SAG: variants seen among roughly 807,000 people sequenced by gnomAD.
SAG encodes the protein S-antigen visual arrestin, also known as S-arrestin.
A neutral mutation model predicts 55.0 loss-of-function variants in SAG; 45 were observed. The ratio of observed to expected loss-of-function variants is 0.82; its 90% CI spans 0.64 to 1.05. The LOEUF (loss-of-function observed/expected upper bound fraction) is 1.05, where lower values mean the gene tolerates loss of function less well. Among genes scored for constraint, SAG ranks in the 50% least tolerant of loss-of-function variants. SAG has a pLI of 0.00. For missense variants in SAG, 455 were observed against 512.1 expected, an observed-to-expected ratio of 0.89 and a Z score of 1.08; for synonymous variants, 189 against 197.4, an observed-to-expected ratio of 0.96 and a Z score of 0.36.
At chr2:233,329,780 G>A (rs916967244) in intron 9 of SAG, among the ~76,000 whole-genome samples, 3 of 152,202 alleles carry the variant, frequency 2.0e-5, no homozygotes, top group African/African-American at 7.2e-5. Context: ...ACTTACGGCT[G>A]GTTTTTGTCT....
At chr2:233,308,397 T>A (rs1472377344) in intron 1 of SAG, among the ~76,000 whole-genome samples, 1 of 151,598 alleles carries the variant, frequency 6.6e-6, no homozygotes, top group Non-Finnish European at 1.5e-5. Context: ...AGCCCAGGAG[T>A]TCGAGGCTGC....
At chr2:233,329,687 T>C (rs1700685740) in intron 9 of SAG, 110 bp downstream of exon 9, 2 of 720,294 alleles carry the variant, frequency 2.8e-6, no homozygotes, top group Non-Finnish European at 4.8e-6. Context: ...TCCTTGGAAC[T>C]GGCTACTTGT....
intron 10 of SAG, chr2:233,333,171 A>G (rs1471142954): frequency 6.6e-6 from 1 of 152,322 alleles, no homozygotes; most frequent in East Asian, 1.9e-4. Flanking sequence ...CTGTAGGTCT[A>G]CAAGGGAGGG....
chr2:233,316,105 A>C lies in SAG; in HGVS notation c.106A>C (p.Ile36Leu). Reference protein sequence around the residue: ...VTIYLGNRDYIDHVSQVQPVD... With the variant: ...VTIYLGNRDYLDHVSQVQPVD... The stretch of plus-strand genomic sequence containing the variant: ...CATCTACCTGGGGAACAGAGACTAC[A>C]TAGACCATGTCAGCCAAGTCCAGCC... The change falls in exon 3 of 16, where the codon ATA (isoleucine) becomes CTA (leucine). Residue 36 changes from isoleucine (I) to leucine (L), a missense_variant. Transcript: ENST00000409110. 6.3e-7 allele frequency: 1 copy of C among 1,599,920 alleles called. No homozygotes were observed. The highest frequency in any genetic ancestry group is 8.5e-7 in the Non-Finnish European group (1 of 1,171,700).
At chr2:233,344,873 T>G (rs901812685) in intron 14 of SAG, 1 of 152,240 alleles carries the variant, frequency 6.6e-6, no homozygotes. Flanking sequence ...GTCAAGGGCA[T>G]CTTTACTGAA....
intron 9 of SAG, 115 bp downstream of exon 9, chr2:233,329,692 A>G (rs1219037015): frequency 5.7e-6 from 4 of 702,628 alleles, no homozygotes; most frequent in Non-Finnish European, 7.5e-6. Flanking sequence ...GGAACTGGCT[A>G]CTTGTCTCTG....
At chr2:233,318,855 G>A (rs771097049) in intron 4 of SAG, 60 bp downstream of exon 4, 44 of 1,476,248 alleles carry the variant, frequency 3.0e-5, no homozygotes, top group East Asian at 4.5e-5. Context: ...CTCTCTGGGC[G>A]GCTCTGGGAA....
chr2:233,325,144 C>T (rs1183714746), intron 6 of SAG, among the ~76,000 whole-genome samples: 2 of 149,540 alleles, frequency 1.3e-5, no homozygotes, highest in East Asian at 3.9e-4. Flanking sequence ...GCGGAGATTG[C>T]AGTGAGCCGA....
intron 8 of SAG, 31 bp from the exon 9 acceptor site, chr2:233,329,462 C>T (rs759252629): frequency 2.6e-5 from 36 of 1,398,864 alleles, no homozygotes; most frequent in Non-Finnish European, 1.9e-5. Context: ...CATCTGTTCT[C>T]TTCTTCTGAC....
intron 3 of SAG, among the ~76,000 whole-genome samples, chr2:233,317,797 A>ATG (rs1017842091): frequency 1.3e-5 from 2 of 150,602 alleles, no homozygotes; most frequent in Admixed American, 6.7e-5. Context: ...TTTTCTCTAT[A>ATG]TGTGTGTGTG....
In SAG at chr2:233,309,265, G is replaced by C; in HGVS notation, c.75+1G>C. 6.2e-7 allele frequency: 1 copy of C among 1,611,900 alleles called. No homozygotes were observed. Among genetic ancestry groups the C allele is most frequent in the Non-Finnish European group, 8.5e-7 (1 of 1,178,174 alleles). ...CAAGAAGATCTCCCGGGACAAATCGGTGAGTGGTGCACAAGTGAGTGATTT... is the reference window on the plus strand; with the variant it reads ...CAAGAAGATCTCCCGGGACAAATCGCTGAGTGGTGCACAAGTGAGTGATTT... On this transcript the variant is annotated splice_donor_variant, in intron 2 of 15. Coordinates refer to ENST00000409110, the MANE Select transcript of SAG (RefSeq NM_000541.5). LOFTEE classifies it high-confidence loss of function.
Position 233,335,096 on chromosome 2 carries a change from C to T in SAG, c.941C>T (p.Thr314Ile). Residue 314 changes from threonine to isoleucine, a missense_variant, in exon 11 of 16, where the codon ACC becomes ATC. Coordinates refer to ENST00000409110, the MANE Select transcript of SAG (RefSeq NM_000541.5). ...KHEDTNLASS[T>I]IIKEGIDRTV... ...GAGGACACAAACCTTGCCTCCAGCA[C>T]CATGTGAGTCCTCGAGGCTCAGGGA... is the stretch of plus-strand genomic sequence containing the variant. 1 of 1,609,112 alleles carries T rather than the reference C, an allele frequency of 6.2e-7. No individual in the cohort carries two copies. The highest frequency in any genetic ancestry group is 1.1e-5 in the South Asian group (1 of 90,978).
chr2:233,335,192 G>C, intron 11 of SAG, 93 bp downstream of exon 11: 2 of 1,457,872 alleles, frequency 1.4e-6, no homozygotes, highest in South Asian at 1.3e-5. Flanking sequence ...TCGCAGGCAC[G>C]CACGTGCAGC....
At chr2:233,326,586 CAA>C (rs35383170) in intron 6 of SAG, among the ~76,000 whole-genome samples, 41 of 123,534 alleles carry the variant, frequency 3.3e-4, no homozygotes, top group Admixed American at 4.2e-4. Flanking sequence ...ACTCCATCTC[CAA>C]AAAAAAAAAA....
chr2:233,323,237 T>C (rs1700440765), intron 6 of SAG, among the ~76,000 whole-genome samples: 4 of 152,204 alleles, frequency 2.6e-5, no homozygotes, highest in Admixed American at 2.6e-4. Flanking sequence ...TTTTGTATTT[T>C]GTGTGGAGGC....
At chr2:233,342,164 C>T in intron 13 of SAG, 107 bp from the exon 14 acceptor site, 1 of 788,764 alleles carries the variant, frequency 1.3e-6, no homozygotes, top group Admixed American at 2.3e-5. Flanking sequence ...TGTCTTTCAG[C>T]TTGGGCCTGG....
chr2:233,342,451 T>C, intron 14 of SAG, 125 bp downstream of exon 14: 1 of 778,434 alleles, frequency 1.3e-6, no homozygotes, highest in South Asian at 1.5e-5. Flanking sequence ...AGAGATTCCA[T>C]GTGATCTACA....
chr2:233,338,422 G>C, intron 11 of SAG: 1 of 517,284 alleles, frequency 1.9e-6, no homozygotes. Context: ...GTCAAGCACA[G>C]AGAAGGGGGT....
At chr2:233,322,022 CACACACACACACACAT>C (rs1396832630) in intron 5 of SAG, among the ~76,000 whole-genome samples, 1 of 123,182 alleles carries the variant, frequency 8.1e-6, no homozygotes, top group Non-Finnish European at 1.7e-5. Context: ...CACACACACA[CACACACACACACACAT>C]TAGTCAGGCG....
Sources: allele counts gnomAD v4.1 joint callset (sites outside exome capture counted in the v4.1 genomes callset), GRCh38; gene constraint gnomAD v4.1.1; transcripts MANE v1.5; gene names NCBI Gene and HGNC (gene_info 2026-07-23, HGNC 2026-07-21).